Variants in SBNO1 observed in about 807,000 individuals in gnomAD.
The protein encoded by SBNO1 is strawberry notch homolog 1, also known as protein strawberry notch homolog 1.
In SBNO1, 23 loss-of-function variants were observed where a neutral mutation model predicts 173.6. The observed-to-expected ratio is 0.13, with a 90% CI of 0.10 to 0.19. The LOEUF (loss-of-function observed/expected upper bound fraction) is 0.19. Ranked by LOEUF, SBNO1 falls within the 10% of genes least tolerant of loss-of-function variation. SBNO1 has a pLI of 1.00. For synonymous variants in SBNO1, 632 were observed against 571.5 expected (o/e 1.11, Z -1.51); for missense variants, 1,238 against 1,671.2 (o/e 0.74, Z 4.52).
rs2048557369 is a variant in SBNO1, at chr12:123,294,564, A to G, written c.*1344T>C. On this transcript the variant is annotated 3_prime_UTR_variant, in exon 32 of 32. Coordinates refer to ENST00000602398, the MANE Select transcript of SBNO1 (RefSeq NM_001167856.3). ...TAACTTTTTATTTGACATCTACAAG[A>G]TTTTGGCATCTTGCAGCTTTTTACC... The G allele has an allele frequency of 6.7e-6, 1 of 148,496 alleles. No homozygotes were observed. Among genetic ancestry groups the G allele is most frequent in the African/African-American group, 2.6e-5 (1 of 38,728 alleles). The allele number at this position is 148,496 out of a possible 1,614,324, so 9.2% of individuals were successfully genotyped here. A position where few individuals can be genotyped will look rare whatever the true frequency, so the allele number is the denominator to read the frequency against.
At chr12:123,326,666 C>CT (rs1870641390) in intron 13 of SBNO1, among the ~76,000 whole-genome samples, 1 of 152,186 alleles carries the variant, frequency 6.6e-6, no homozygotes, top group Non-Finnish European at 1.5e-5. Flanking sequence ...TGGCTGATGC[C>CT]TGTAATCCCA....
chr12:123,297,956 C>T (rs751195857), intron 31 of SBNO1, 22 bp downstream of exon 31: 2 of 1,607,914 alleles, frequency 1.2e-6, no homozygotes, highest in Non-Finnish European at 1.7e-6. Flanking sequence ...GCAACTCAAA[C>T]CAAAACAAAA....
intron 28 of SBNO1, among the ~76,000 whole-genome samples, chr12:123,304,965 C>T (rs972590304): frequency 2.0e-5 from 3 of 152,160 alleles, no homozygotes; most frequent in Non-Finnish European, 4.4e-5. Flanking sequence ...CAGAAAACTA[C>T]GTGGAATTAG....
chr12:123,319,429 T>G (rs755307938), intron 20 of SBNO1, among the ~76,000 whole-genome samples: 57 of 151,868 alleles, frequency 3.8e-4, no homozygotes, highest in Non-Finnish European at 7.2e-4. Context: ...CTAAAAAAAT[T>G]TGTGTAATAG....
intron 28 of SBNO1, 67 bp downstream of exon 28, chr12:123,309,243 G>A: frequency 8.7e-7 from 1 of 1,142,910 alleles, no homozygotes; most frequent in Non-Finnish European, 1.3e-6. Flanking sequence ...AAAGTGAAGA[G>A]ACAATTACAA....
chr12:123,338,855 A>C (rs1056740041), intron 5 of SBNO1, among the ~76,000 whole-genome samples: 20 of 151,358 alleles, frequency 1.3e-4, no homozygotes, highest in African/African-American at 4.6e-4. Context: ...CCTGGGTGAC[A>C]GCAAGACACC....
At chr12:123,352,609 CA>C (rs1874011217) in intron 1 of SBNO1, among the ~76,000 whole-genome samples, 1 of 152,174 alleles carries the variant, frequency 6.6e-6, no homozygotes, top group Admixed American at 6.5e-5. Flanking sequence ...TGACTTCTAG[CA>C]TGTAAGAACT....
intron 10 of SBNO1, 83 bp downstream of exon 10, chr12:123,328,651 C>CA: frequency 8.9e-7 from 1 of 1,118,502 alleles, no homozygotes; most frequent in Non-Finnish European, 1.2e-6. Flanking sequence ...CGTTTAATCT[C>CA]AAGATTCCTG....
rs1314022566 is a variant in SBNO1 at position 123,330,615 on chromosome 12, A to G, written c.1044-106T>C. On this transcript the variant is annotated intron_variant, in intron 8 of 31. Transcript: ENST00000602398. ...CTTGACACTTAAAAAAAAAAAAAAA[A>G]AGAAAAAGAAAATACACTTACTCAT... is the stretch of plus-strand genomic sequence containing the variant. The G allele has an allele frequency of 1.0e-5, 6 of 590,932 alleles. 1 individual carries two copies. The South Asian group carries it at 1.1e-4, about 11-fold the overall frequency. The allele number at this position is 590,932 out of a possible 1,614,324, so 36.6% of individuals were successfully genotyped here. A position where few individuals can be genotyped will look rare whatever the true frequency, so the allele number is the denominator to read the frequency against.
chr12:123,301,998 T>TG (rs2048805698), intron 30 of SBNO1, among the ~76,000 whole-genome samples: 1 of 151,602 alleles, frequency 6.6e-6, no homozygotes, highest in African/African-American at 2.4e-5. Flanking sequence ...TGGAGTGCAG[T>TG]GGTGCAATCT....
intron 28 of SBNO1, among the ~76,000 whole-genome samples, chr12:123,306,522 C>T (rs931549903): frequency 6.6e-6 from 1 of 152,138 alleles, no homozygotes; most frequent in African/African-American, 2.4e-5. Flanking sequence ...TCACAATCTA[C>T]CAACGGTGAT....
At chr12:123,352,449 A>G (rs1413345597) in intron 1 of SBNO1, among the ~76,000 whole-genome samples, 4 of 151,774 alleles carry the variant, frequency 2.6e-5, no homozygotes, top group African/African-American at 9.7e-5. Flanking sequence ...GCCCACCAAC[A>G]CACCTGGTTA....
In SBNO1 at chr12:123,327,566, T is replaced by G. The variant is rs1286181501; in HGVS notation, c.1552A>C (p.Met518Leu). The change falls in exon 13 of 32, where the codon ATG becomes CTG. Residue 518 changes from methionine (M) to leucine (L), a missense_variant. Physicochemically the swap from Met to Leu is conservative, Grantham distance 15 (BLOSUM62 2). This residue lies in a region of SBNO1 where 182 missense variants were observed against 339.9 expected (regional missense o/e 0.54). Transcript: ENST00000602398. ...TTCATATCCATAGCAACTATTTCCA[T>G]GGCACCAACTCCTCTGAATAAAATT... ...QAVERRGVGA[M>L]EIVAMDMKLR... is the part of the protein sequence containing the mutation. 1 of 1,613,650 alleles carries G rather than the reference T, an allele frequency of 6.2e-7. No individual in the cohort carries two copies. Among genetic ancestry groups the G allele is most frequent in the Admixed American group, 1.7e-5 (1 of 59,930 alleles).
intron 24 of SBNO1, among the ~76,000 whole-genome samples, chr12:123,311,720 CTATATATATATA>C (rs56718635): frequency 1.0e-3 from 130 of 127,416 alleles, no homozygotes; most frequent in South Asian, 6.3e-3. Flanking sequence ...ATCTATCTAT[CTATATATATATA>C]TATATATATA....
intron 28 of SBNO1, among the ~76,000 whole-genome samples, chr12:123,305,793 T>C (rs2048900090): frequency 6.6e-6 from 1 of 152,176 alleles, no homozygotes; most frequent in African/African-American, 2.4e-5. Context: ...TTTTTAAAGT[T>C]GGATTTATGA....
intron 16 of SBNO1, among the ~76,000 whole-genome samples, chr12:123,323,232 A>G (rs1323418870): frequency 6.6e-6 from 1 of 152,254 alleles, no homozygotes; most frequent in Non-Finnish European, 1.5e-5. Context: ...AAAATTGTAC[A>G]AGTGACAGTG....
chr12:123,356,327 T>C (rs1207108792), intron 1 of SBNO1, among the ~76,000 whole-genome samples: 2 of 152,216 alleles, frequency 1.3e-5, no homozygotes, highest in Non-Finnish European at 2.9e-5. Flanking sequence ...ATGTTAGTAT[T>C]TCATCCAAAA....
intron 30 of SBNO1, among the ~76,000 whole-genome samples, chr12:123,299,699 A>AC (rs2048723423): frequency 6.6e-6 from 1 of 150,562 alleles, no homozygotes; most frequent in African/African-American, 2.5e-5. Context: ...AAAAAAAAAA[A>AC]CAAAAAAGCC....
At chr12:123,340,318 C>T (rs886084556) in intron 5 of SBNO1, among the ~76,000 whole-genome samples, 1 of 152,102 alleles carries the variant, frequency 6.6e-6, no homozygotes, top group Non-Finnish European at 1.5e-5. Flanking sequence ...CAGTGGCTCA[C>T]GCCTGTAATC....
Sources: gnomAD v4.1 joint callset for allele counts (sites outside exome capture counted in the v4.1 genomes callset) on GRCh38, gnomAD v4.1.1 for gene constraint, gnomAD v4.1.1 regional missense constraint, MANE v1.5 for transcripts, NCBI Gene and HGNC (gene_info 2026-07-23, HGNC 2026-07-21) for gene names.